DPYSL4: variants seen among roughly 807,000 people sequenced by gnomAD.
The protein encoded by DPYSL4 is dihydropyrimidinase like 4.
DPYSL4 carries 43 observed loss-of-function variants against 63.4 expected under a neutral mutation model. The ratio of observed to expected loss-of-function variants is 0.68; its 90% CI spans 0.53 to 0.88. The LOEUF (loss-of-function observed/expected upper bound fraction) is 0.88. Ranked by LOEUF, DPYSL4 falls within the 40% of genes least tolerant of loss-of-function variation. The probability of loss-of-function intolerance (pLI) is 0.00; values close to 1 mark genes in which losing one functional copy is unlikely to be tolerated. For missense variants in DPYSL4, 733 were observed against 819.5 expected, an observed-to-expected ratio of 0.89 and a Z score of 1.29; for synonymous variants, 353 against 331.7, an observed-to-expected ratio of 1.06 and a Z score of -0.70.
intron 6 of DPYSL4, among the ~76,000 whole-genome samples, chr10:132,197,799 C>G (rs2061964892): frequency 6.6e-6 from 1 of 152,210 alleles, no homozygotes. Flanking sequence ...GGGGGGTCCC[C>G]AGTGTCCTCG....
chr10:132,194,740 G>A, intron 3 of DPYSL4, 105 bp from the exon 4 acceptor site: 1 of 1,444,040 alleles, frequency 6.9e-7, no homozygotes, highest in Non-Finnish European at 9.5e-7. Context: ...TCCCTCAAAT[G>A]GTCCTCTGGT....
At position 132,192,734 on chromosome 10, in the gene DPYSL4, G is replaced by T; in HGVS notation, c.205G>T (p.Gly69Cys). 1 of 1,613,438 alleles carries T rather than the reference G, an allele frequency of 6.2e-7. No homozygotes were observed. The highest frequency in any genetic ancestry group is 2.2e-5 in the East Asian group (1 of 44,886). Residue 69 changes from glycine to cysteine, a missense_variant, in exon 3 of 14, where the codon GGC becomes TGC. By Grantham distance (159) the Gly-to-Cys change is radical (BLOSUM62 -3). Transcript: ENST00000338492. ...DAHGLMVLPGGVDVHTRLQMP... is the reference protein window; with the variant it reads ...DAHGLMVLPGCVDVHTRLQMP... Reference sequence around the variant, plus strand: ...CCACGGCCTGATGGTCCTTCCTGGTGGCGTTGACGTCCACACAAGGCTGCA... The same window carrying T: ...CCACGGCCTGATGGTCCTTCCTGGTTGCGTTGACGTCCACACAAGGCTGCA...
At chr10:132,192,945 T>C (rs922916827) in intron 3 of DPYSL4, 103 bp downstream of exon 3, 4 of 1,198,282 alleles carry the variant, frequency 3.3e-6, no homozygotes, top group Non-Finnish European at 3.4e-6. Context: ...AAAGGTGCCT[T>C]TCTCAGCTGT....
chr10:132,201,234 G>A (rs1015083048), intron 10 of DPYSL4, among the ~76,000 whole-genome samples: 12 of 152,086 alleles, frequency 7.9e-5, no homozygotes, highest in African/African-American at 1.9e-4. Context: ...AGTGTTGCCC[G>A]GACACTGTGT....
chr10:132,204,914 T>A lies in DPYSL4; in HGVS notation c.1703T>A (p.Ile568Asn). The stretch of plus-strand genomic sequence containing the variant: ...GCACCACCTGGCGGCCGCTCCAACA[T>A]CACCTCTCTCTCCTAGACGCCCAGG... Reference protein sequence around the residue: ...IMAPPGGRSNITSLS With the variant: ...IMAPPGGRSNNTSLS The change falls in exon 14 of 14, where the codon ATC (isoleucine) becomes AAC (asparagine). Residue 568 changes from isoleucine (I) to asparagine (N), a missense_variant. Physicochemically the swap from Ile to Asn is moderately radical, Grantham distance 149. Coordinates refer to ENST00000338492, the MANE Select transcript of DPYSL4 (RefSeq NM_006426.3). 1 of 1,611,296 alleles carries A rather than the reference T, an allele frequency of 6.2e-7. No homozygotes were observed. Among genetic ancestry groups the A allele is most frequent in the Non-Finnish European group, 8.5e-7 (1 of 1,178,610 alleles).
chr10:132,194,952 A>T lies in DPYSL4; in HGVS notation c.421A>T (p.Ile141Phe). The T allele has an allele frequency of 6.2e-7, 1 of 1,611,524 alleles. No homozygotes were observed. Residue 141 changes from isoleucine (I) to phenylalanine (F), a missense_variant, in exon 4 of 14, where the codon ATC becomes TTC. Coordinates refer to ENST00000338492, the MANE Select transcript of DPYSL4 (RefSeq NM_006426.3). ...CTGCGACTACTCCCTGCACGTGGACATCACCCGATGGCATGAGAGCATCAA... is the reference window on the plus strand; with the variant it reads ...CTGCGACTACTCCCTGCACGTGGACTTCACCCGATGGCATGAGAGCATCAA... ...ACCDYSLHVDITRWHESIKEE... is the reference protein window; with the variant it reads ...ACCDYSLHVDFTRWHESIKEE...
rs1439086897 is a variant in DPYSL4, at chr10:132,191,569, A to C, written c.128+734A>C. 8.5e-4 allele frequency among the ~76,000 whole-genome samples: 32 copies of C among 37,482 alleles called. 4 individuals carry two copies. Among genetic ancestry groups the C allele is most frequent in the East Asian group, 5.3e-3 (1 of 188 alleles). 24.6% of individuals were successfully genotyped at this position (37,482 alleles called of 152,430 possible). The stretch of plus-strand genomic sequence containing the variant: ...GTCACATGGTATCCAGGCAGGTTAA[A>C]GTATGTTCCCAGCTCGTGTGTACAC... On this transcript the variant is annotated intron_variant, in intron 2 of 13. Transcript: ENST00000338492.
intron 9 of DPYSL4, among the ~76,000 whole-genome samples, 152 bp from the exon 10 acceptor site, chr10:132,200,665 GGCTCCCCTGGCAGGAACCAGTCCCC>G (rs1232029466): frequency 1.3e-5 from 2 of 152,142 alleles, no homozygotes; most frequent in African/African-American, 4.8e-5. Context: ...TCCCAGCGGG[GGCTCCCCTGGCAGGAACCAGTCCCC>G]GCTCCCCTGC....
intron 1 of DPYSL4, 42 bp from the exon 2 acceptor site, chr10:132,190,704 TA>T: frequency 6.3e-7 from 1 of 1,576,204 alleles, no homozygotes; most frequent in African/African-American, 1.3e-5. Flanking sequence ...TGTTACTGAG[TA>T]ACTCAGTTTG....
chr10:132,203,954 G>A, intron 13 of DPYSL4, 27 bp downstream of exon 13: 1 of 1,579,424 alleles, frequency 6.3e-7, no homozygotes, highest in South Asian at 1.1e-5. Flanking sequence ...GCACCAGTGG[G>A]GGTGAGGGGC....
chr10:132,194,608 C>A (rs1198203915), intron 3 of DPYSL4, among the ~76,000 whole-genome samples: 1 of 152,176 alleles, frequency 6.6e-6, no homozygotes, highest in Admixed American at 6.5e-5. Flanking sequence ...TCTCCCCTCT[C>A]CCTTCTGTGC....
chr10:132,198,540 C>T, intron 7 of DPYSL4, 57 bp downstream of exon 7: 1 of 1,499,934 alleles, frequency 6.7e-7, no homozygotes. Flanking sequence ...ACCACTGCTG[C>T]CTGGGGCTGT....
chr10:132,202,165 C>G, intron 11 of DPYSL4, 49 bp downstream of exon 11: 1 of 1,580,062 alleles, frequency 6.3e-7, no homozygotes, highest in Non-Finnish European at 8.6e-7. Flanking sequence ...GGGGCCGGGA[C>G]CCCAGGGCAG....
chr10:132,203,816 GTGA>G lies in DPYSL4; in HGVS notation c.1519_1521del (p.Met507del). On this transcript the variant is annotated inframe_deletion, in exon 13 of 14. Coordinates refer to ENST00000338492, the MANE Select transcript of DPYSL4 (RefSeq NM_006426.3). ...ACTGTATGACGGGCCCGTCCACGAGGTGATGGTGCCTGCCAAGCCAGGGAGTGG... is the reference window on the plus strand; with the variant it reads ...ACTGTATGACGGGCCCGTCCACGAGGTGGTGCCTGCCAAGCCAGGGAGTGG... 1 of 1,612,700 alleles carries G rather than the reference GTGA, an allele frequency of 6.2e-7. No individual in the cohort carries two copies.
chr10:132,189,151 C>T (rs1239176626), intron 1 of DPYSL4, among the ~76,000 whole-genome samples: 2 of 152,244 alleles, frequency 1.3e-5, no homozygotes, highest in East Asian at 3.8e-4. Flanking sequence ...ATGGGTGGGC[C>T]CTGGAAACCC....
rs1273973862 is a variant in DPYSL4, at chr10:132,196,430, GGTGCTGGAT to G, written c.479-422_479-414del. ...GTGGGGCTCCAAGGCCCTGCAGGCA[GGTGCTGGAT>G]GTGCTGGACGGCCAGAATGCAGGTC... On this transcript the variant is annotated intron_variant, in intron 4 of 13. Transcript: ENST00000338492. Among the ~76,000 whole-genome samples, 7 of 152,390 alleles carry G rather than the reference GGTGCTGGAT, an allele frequency of 4.6e-5. No homozygotes were observed. In the South Asian group the frequency reaches 6.2e-4, roughly 14 times the overall value.
At chr10:132,203,634 C>G (rs2062051610) in intron 12 of DPYSL4, 128 bp from the exon 13 acceptor site, 1 of 896,984 alleles carries the variant, frequency 1.1e-6, no homozygotes, top group Middle Eastern at 3.6e-4. Flanking sequence ...GAAGCTGGCA[C>G]TGGAGAGGCG....
chr10:132,202,849 T>C (rs747418510), intron 12 of DPYSL4, 24 bp downstream of exon 12: 2 of 1,564,342 alleles, frequency 1.3e-6, no homozygotes, highest in Non-Finnish European at 8.7e-7. Context: ...CGCAAGGGTG[T>C]TGTGCAGGTA....
At chr10:132,193,336 C>T (rs767616748) in intron 3 of DPYSL4, among the ~76,000 whole-genome samples, 4 of 152,190 alleles carry the variant, frequency 2.6e-5, no homozygotes, top group East Asian at 1.9e-4. Context: ...AAAAATAACC[C>T]GAGTTGCTAT....
Sources: allele counts gnomAD v4.1 joint callset (sites outside exome capture counted in the v4.1 genomes callset), GRCh38; gene constraint gnomAD v4.1.1; transcripts MANE v1.5; gene names NCBI Gene and HGNC (gene_info 2026-07-23, HGNC 2026-07-21).